Variants in RUNX1 observed in about 807,000 individuals in gnomAD.
The protein encoded by RUNX1 is runt-related transcription factor 1.
A neutral mutation model predicts 42.8 loss-of-function variants in RUNX1; 19 were observed. That is an observed-to-expected ratio of 0.44 (90% CI 0.31 to 0.65). RUNX1 has a LOEUF of 0.65. Among genes scored for constraint, RUNX1 ranks in the 30% least tolerant of loss-of-function variants. The pLI is 0.07. For synonymous variants in RUNX1, 271 were observed against 289.4 expected (o/e 0.94, Z 0.64); for missense variants, 528 against 672.0 (o/e 0.79, Z 2.37).
chr21:34,954,321 A>C (rs1335252315), intron 2 of RUNX1, among the ~76,000 whole-genome samples: 3 of 152,156 alleles, frequency 2.0e-5, no homozygotes, highest in Non-Finnish European at 4.4e-5. Context: ...GGAGAGGGGA[A>C]ATAGTTATTT....
intron 2 of RUNX1, among the ~76,000 whole-genome samples, chr21:35,005,098 T>A (rs372291266): frequency 6.6e-6 from 1 of 152,300 alleles, no homozygotes; most frequent in East Asian, 1.9e-4. Context: ...GTAGATTTTA[T>A]TGATGTATTC....
At chr21:35,040,770 C>CAAAAAAAAAA (rs1568808489) in intron 2 of RUNX1, among the ~76,000 whole-genome samples, 2 of 50,988 alleles carry the variant, frequency 3.9e-5, no homozygotes, top group Non-Finnish European at 9.5e-5. Context: ...TAGACTCCAT[C>CAAAAAAAAAA]CAAAAAAAAA....
At chr21:34,952,318 C>T (rs886522387) in intron 2 of RUNX1, among the ~76,000 whole-genome samples, 9 of 151,920 alleles carry the variant, frequency 5.9e-5, no homozygotes, top group South Asian at 2.1e-4. Context: ...CACCATGGCA[C>T]GTGTATACCT....
chr21:34,846,350 C>T (rs1223911610), intron 6 of RUNX1, among the ~76,000 whole-genome samples: 1 of 151,840 alleles, frequency 6.6e-6, no homozygotes, highest in Middle Eastern at 3.4e-3. Context: ...CCCCCTTCTC[C>T]TGCCCTGCCC....
chr21:34,803,136 A>G (rs1056253962), intron 7 of RUNX1, among the ~76,000 whole-genome samples: 1 of 152,118 alleles, frequency 6.6e-6, no homozygotes, highest in Non-Finnish European at 1.5e-5. Flanking sequence ...GCTGGAGAGG[A>G]GCTGGGCTCA....
chr21:35,009,338 C>T (rs2059108445), intron 2 of RUNX1, among the ~76,000 whole-genome samples: 1 of 152,184 alleles, frequency 6.6e-6, no homozygotes, highest in Admixed American at 6.5e-5. Context: ...GTCTTCTCTG[C>T]TTTCTAGCAG....
intron 2 of RUNX1, among the ~76,000 whole-genome samples, chr21:35,031,421 G>T (rs1384115523): frequency 1.3e-5 from 2 of 151,948 alleles, no homozygotes; most frequent in Non-Finnish European, 2.9e-5. Flanking sequence ...GCACACTCTT[G>T]GTGGGAAGCC....
intron 3 of RUNX1, among the ~76,000 whole-genome samples, chr21:34,890,083 TC>T (rs1242132957): frequency 6.6e-6 from 1 of 152,014 alleles, no homozygotes; most frequent in Admixed American, 6.5e-5. Context: ...GCAGGGACTG[TC>T]CCCGGGCGTT....
chr21:35,026,446 T>G (rs1444093056), intron 2 of RUNX1, among the ~76,000 whole-genome samples: 1 of 152,230 alleles, frequency 6.6e-6, no homozygotes, highest in African/African-American at 2.4e-5. Context: ...ATCTGGATAT[T>G]GCACTTTGGG....
At chr21:34,998,084 T>G (rs1219110522) in intron 2 of RUNX1, among the ~76,000 whole-genome samples, 1 of 152,098 alleles carries the variant, frequency 6.6e-6, no homozygotes, top group Non-Finnish European at 1.5e-5. Flanking sequence ...ATGTATGACT[T>G]GGGTAAGCAT....
At chr21:34,953,000 A>T (rs562444766) in intron 2 of RUNX1, among the ~76,000 whole-genome samples, 1 of 152,316 alleles carries the variant, frequency 6.6e-6, no homozygotes, top group African/African-American at 2.4e-5. Context: ...CTGCCCTTCC[A>T]ACTGAAGTAT....
chr21:34,980,378 G>A (rs576088878), intron 2 of RUNX1, among the ~76,000 whole-genome samples: 42 of 152,320 alleles, frequency 2.8e-4, no homozygotes, highest in African/African-American at 8.9e-4. Flanking sequence ...CAGGTCCTAC[G>A]TAGCCTGGGG....
rs188836291 is a variant in RUNX1, at chr21:35,005,913, T to C, written c.58+42929A>G. ...ACATTTAATGTCACTTTCTTTCAAC[T>C]GGGATGTGTGGCGACCAGTACGTCC... On this transcript the variant is annotated intron_variant, in intron 2 of 8. Transcript: ENST00000675419. Among the ~76,000 whole-genome samples, 3 of 152,326 alleles carry C rather than the reference T, an allele frequency of 2.0e-5. No individual in the cohort carries two copies. The East Asian group carries it at 5.8e-4, about 29-fold the overall frequency.
rs1304031025 is a variant in RUNX1 at position 34,966,783 on chromosome 21, ATGT to A, written c.59-73823_59-73821del. On this transcript the variant is annotated intron_variant, in intron 2 of 8. Coordinates refer to ENST00000675419, the MANE Select transcript of RUNX1 (RefSeq NM_001754.5). Reference sequence around the variant, plus strand: ...TATACGCCATAAAAGAATTGTAGTAATGTTGTATCTACATTAATTTCCACCCAA... The same window carrying A: ...TATACGCCATAAAAGAATTGTAGTAATGTATCTACATTAATTTCCACCCAA... Among the ~76,000 whole-genome samples the A allele has an allele frequency of 3.3e-5, 5 of 152,292 alleles. No individual in the cohort carries two copies. The South Asian group carries it at 6.2e-4, about 19-fold the overall frequency.
chr21:34,988,909 C>G (rs1372908953), intron 2 of RUNX1, among the ~76,000 whole-genome samples: 3 of 152,084 alleles, frequency 2.0e-5, no homozygotes, highest in Admixed American at 2.0e-4. Context: ...GCCCCCACAT[C>G]CTCAAAGGGA....
intron 7 of RUNX1, among the ~76,000 whole-genome samples, chr21:34,818,153 T>C (rs1378316403): frequency 6.6e-6 from 1 of 152,188 alleles, no homozygotes; most frequent in Non-Finnish European, 1.5e-5. Context: ...CAAGTTTCAG[T>C]GCTGGGGTGG....
At chr21:34,959,877 G>C (rs186591426) in intron 2 of RUNX1, among the ~76,000 whole-genome samples, 1 of 152,272 alleles carries the variant, frequency 6.6e-6, no homozygotes, top group African/African-American at 2.4e-5. Flanking sequence ...ACTAGAGAAG[G>C]AGCAATTGTG....
chr21:35,043,852 C>T (rs916773695), intron 2 of RUNX1, among the ~76,000 whole-genome samples: 5 of 152,126 alleles, frequency 3.3e-5, no homozygotes, highest in African/African-American at 1.2e-4. Context: ...TACAAATGTT[C>T]CCAAGGAGCA....
rs1182464806 is a variant in RUNX1 at position 34,813,093 on chromosome 21, G to A, written c.806-13631C>T. ...TACTCTTAAATAGCGATCATCAAAC[G>A]GGTGATTTCTCCTCCAGGGGATTTC... On this transcript the variant is annotated intron_variant, in intron 7 of 8. Transcript: ENST00000675419. 2.0e-5 allele frequency among the ~76,000 whole-genome samples: 3 copies of A among 152,068 alleles called. No individual in the cohort carries two copies. In the South Asian group the frequency reaches 6.2e-4, roughly 32 times the overall value.
Sources: gnomAD v4.1 joint callset for allele counts (sites outside exome capture counted in the v4.1 genomes callset) on GRCh38, gnomAD v4.1.1 for gene constraint, MANE v1.5 for transcripts, NCBI Gene and HGNC (gene_info 2026-07-23, HGNC 2026-07-21) for gene names.